Variants in NLRP7 observed in about 807,000 individuals in gnomAD.
The protein encoded by NLRP7 is NLR family pyrin domain containing 7, also known as NACHT, LRR and PYD domains-containing protein 7.
NLRP7 carries 72 observed loss-of-function variants against 85.5 expected under a neutral mutation model. The ratio of observed to expected loss-of-function variants is 0.84; its 90% CI spans 0.70 to 1.02. The LOEUF (loss-of-function observed/expected upper bound fraction) is 1.02, where lower values mean the gene tolerates loss of function less well. NLRP7 is among the 50% of genes least tolerant of loss of function. The probability of loss-of-function intolerance (pLI) is 0.00; values close to 1 mark genes in which losing one functional copy is unlikely to be tolerated. For synonymous variants in NLRP7, 550 were observed against 505.2 expected, an observed-to-expected ratio of 1.09 and a Z score of -1.19; for missense variants, 1,243 against 1,219.5, an observed-to-expected ratio of 1.02 and a Z score of -0.29.
chr19:54,963,581 T>C lies in NLRP7; in HGVS notation c.-77+2459A>G, dbSNP rs773487848. Among the ~76,000 whole-genome samples the C allele has an allele frequency of 1.4e-4, 21 of 152,094 alleles. No individual in the cohort carries two copies. The South Asian group carries it at 2.9e-3, about 21-fold the overall frequency. ...GCTCATGCCTGTAATCCTAGCACTTTGGGAGGCCGAGGTGAGCAGATTACC... is the reference window on the plus strand; with the variant it reads ...GCTCATGCCTGTAATCCTAGCACTTCGGGAGGCCGAGGTGAGCAGATTACC... On this transcript the variant is annotated intron_variant, in intron 1 of 2. Coordinates refer to the NLRP7 transcript ENST00000587103.
chr19:54,945,574 AT>A (rs1297186090), intron 1 of NLRP7, among the ~76,000 whole-genome samples: 3 of 150,730 alleles, frequency 2.0e-5, no homozygotes, highest in Non-Finnish European at 4.4e-5. Flanking sequence ...CTGGCCAAGT[AT>A]TTTTTTTCCC....
At chr19:54,924,664 G>A (rs1364074194) in intron 9 of NLRP7, among the ~76,000 whole-genome samples, 4 of 152,168 alleles carry the variant, frequency 2.6e-5, no homozygotes, top group East Asian at 3.9e-4. Flanking sequence ...GCTGGTGCAC[G>A]GTGACTCACG....
intron 1 of NLRP7, among the ~76,000 whole-genome samples, chr19:54,962,702 C>G (rs1247163869): frequency 1.3e-5 from 2 of 151,590 alleles, no homozygotes; most frequent in African/African-American, 4.8e-5. Flanking sequence ...CGGGTTCACG[C>G]CATTCTCCTG....
intron 1 of NLRP7, among the ~76,000 whole-genome samples, chr19:54,955,863 A>G (rs2069834046): frequency 6.6e-6 from 1 of 152,112 alleles, no homozygotes; most frequent in African/African-American, 2.4e-5. Context: ...GGGATTATAG[A>G]CATTCGCTCC....
chr19:54,935,130 G>GC, intron 6 of NLRP7, among the ~76,000 whole-genome samples: 1 of 152,220 alleles, frequency 6.6e-6, no homozygotes, highest in South Asian at 2.1e-4. Flanking sequence ...TATCCCCATG[G>GC]CCATTAGGGT....
exon 10 of NLRP7, chr19:54,923,572 G>A (rs758341773): frequency 2.1e-5 from 16 of 754,926 alleles, no homozygotes; most frequent in Non-Finnish European, 3.3e-5. Context: ...TGTGAAGGGG[G>A]TGCGTGACTC....
intron 4 of NLRP7, 134 bp downstream of exon 4, chr19:54,938,754 C>T: frequency 1.0e-6 from 1 of 996,066 alleles, no homozygotes; most frequent in East Asian, 2.4e-5. Context: ...TTCCTAATTG[C>T]CAAGTCGTGT....
chr19:54,953,055 G>C (rs113459116), intron 1 of NLRP7: 11,011 of 151,950 alleles, frequency 0.072, 500 homozygotes, highest in Non-Finnish European at 0.097. Context: ...AGAATCGCTT[G>C]AGCCGGGGAG....
At chr19:54,929,559 G>GA (rs567785943) in intron 9 of NLRP7, among the ~76,000 whole-genome samples, 133 of 152,228 alleles carry the variant, frequency 8.7e-4, no homozygotes, top group African/African-American at 2.9e-3. Context: ...CATTTGTGGA[G>GA]ACTTTGCATT....
At chr19:54,926,458 C>G (rs1331665799) in intron 9 of NLRP7, among the ~76,000 whole-genome samples, 3 of 152,178 alleles carry the variant, frequency 2.0e-5, no homozygotes, top group African/African-American at 7.2e-5. Context: ...AAAAACTCTT[C>G]TCTGCATGGG....
rs1279738523 is a variant in NLRP7, at chr19:54,940,214, G to GGGCT, written c.601_604dup (p.Pro202GlnfsTer33). On this transcript the variant is annotated frameshift_variant, in exon 4 of 10. Transcript: ENST00000340844. LOFTEE classifies it high-confidence loss of function. ...GAGGTAGAACGCGTATCTGAGCGTC[G>GGGCT]GGCTGAGGTTGCAGTCTGTCCAGTC... is the stretch of plus-strand genomic sequence containing the variant. The GGGCT allele has an allele frequency of 1.2e-6, 2 of 1,614,040 alleles. No homozygotes were observed. Among genetic ancestry groups the GGGCT allele is most frequent in the East Asian group, 4.5e-5 (2 of 44,880 alleles).
At chr19:54,964,362 G>A (rs2070220514) in intron 1 of NLRP7, among the ~76,000 whole-genome samples, 1 of 145,510 alleles carries the variant, frequency 6.9e-6, no homozygotes, top group South Asian at 2.2e-4. Flanking sequence ...GACTACAGGT[G>A]CCCGCCACCA....
intron 1 of NLRP7, among the ~76,000 whole-genome samples, chr19:54,956,273 C>A (rs1334428153): frequency 1.3e-5 from 2 of 152,156 alleles, no homozygotes; most frequent in Admixed American, 6.6e-5. Flanking sequence ...ATGCTGTCCC[C>A]AGGTAGGGAG....
At chr19:54,949,593 A>T (rs1300428505), upstream of NLRP7, among the ~76,000 whole-genome samples, 1 of 152,032 alleles carries the variant, frequency 6.6e-6, no homozygotes, top group African/African-American at 2.4e-5. Context: ...AGTTTATGTA[A>T]ATGAGGTGAC....
intron 2 of NLRP7, 67 bp from the exon 3 acceptor site, chr19:54,941,072 A>T: frequency 8.3e-7 from 1 of 1,202,904 alleles, no homozygotes; most frequent in East Asian, 2.3e-5. Context: ...ATTATTGTAC[A>T]TAAAGTGTCA....
At chr19:54,933,456 T>G (rs2068761432) in intron 8 of NLRP7, 113 bp downstream of exon 8, 1 of 1,393,054 alleles carries the variant, frequency 7.2e-7, no homozygotes, top group African/African-American at 1.4e-5. Flanking sequence ...CTGCCTGTTC[T>G]TTAATTCTTA....
In NLRP7 at chr19:54,934,521, C is replaced by G; in HGVS notation, c.2439G>C (p.Met813Ile). The change falls in exon 7 of 10, where the codon ATG (methionine) becomes ATC (isoleucine). Residue 813 changes from methionine to isoleucine, a missense_variant. Physicochemically the swap from Met to Ile is conservative, Grantham distance 10. Around this residue, in one of 3 missense-constraint regions of NLRP7, gnomAD observed 613 missense variants for 588.4 expected, o/e 1.04. Transcript: ENST00000340844. This position sits in a 1 kb window ranked among gnomAD's most constrained non-coding sequence, Gnocchi z 6.7. ...TCTGCAGGAAGTGTTTTGGGCGTGT[C>G]ATGGTCTTGTACAGCAACATGGCAC... 14 of 1,614,178 alleles carry G rather than the reference C, an allele frequency of 8.7e-6. No homozygotes were observed. The highest frequency in any genetic ancestry group is 1.1e-5 in the Non-Finnish European group (13 of 1,180,020).
intron 1 of NLRP7, among the ~76,000 whole-genome samples, chr19:54,956,591 G>A (rs2069861821): frequency 6.6e-6 from 1 of 151,732 alleles, no homozygotes; most frequent in East Asian, 2.0e-4. Context: ...CTACTCGGGA[G>A]GCTGAGGCAG....
intron 6 of NLRP7, among the ~76,000 whole-genome samples, chr19:54,935,531 A>G (rs1366486599): frequency 6.6e-6 from 1 of 152,060 alleles, no homozygotes; most frequent in Non-Finnish European, 1.5e-5. Flanking sequence ...CCCTGTCTCT[A>G]TTAAAAATAC....
Sources: allele counts gnomAD v4.1 joint callset (sites outside exome capture counted in the v4.1 genomes callset), GRCh38; gene constraint gnomAD v4.1.1; regional missense constraint gnomAD v4.1.1; non-coding constraint Gnocchi (gnomAD v3.1); transcripts MANE v1.5; gene names NCBI Gene and HGNC (gene_info 2026-07-23, HGNC 2026-07-21).